The following IFT74 variants were observed in gnomAD, a reference collection of about 807,000 sequenced individuals.
IFT74 encodes the protein intraflagellar transport 74, also known as intraflagellar transport protein 74 homolog.
In IFT74, 92 loss-of-function variants were observed where a neutral mutation model predicts 96.7. The ratio of observed to expected loss-of-function variants is 0.95; its 90% CI spans 0.80 to 1.13. The LOEUF (loss-of-function observed/expected upper bound fraction) is 1.13, where lower values mean the gene tolerates loss of function less well. IFT74 is among the 50% of genes most tolerant of loss of function. The pLI is 0.00. For missense variants in IFT74, 811 were observed against 698.2 expected, an observed-to-expected ratio of 1.16 and a Z score of -1.82; for synonymous variants, 223 against 213.2, an observed-to-expected ratio of 1.05 and a Z score of -0.40.
rs377479807 is a variant in IFT74, at chr9:27,051,544, A to G, written c.1333+3270A>G. The stretch of plus-strand genomic sequence containing the variant: ...TCTCTAGAACTTTTTCATCTTGCAG[A>G]ACAAAAACACTTTACCTCCTGAATA... On this transcript the variant is annotated intron_variant, in intron 16 of 19. Transcript: ENST00000380062. Among the ~76,000 whole-genome samples, 9 of 152,302 alleles carry G rather than the reference A, an allele frequency of 5.9e-5. No homozygotes were observed. The East Asian group carries it at 1.3e-3, about 23-fold the overall frequency.
At chr9:26,971,143 A>G (rs570559035) in intron 2 of IFT74, among the ~76,000 whole-genome samples, 47 of 152,320 alleles carry the variant, frequency 3.1e-4, no homozygotes, top group African/African-American at 1.1e-3. Context: ...AGAAGGAGAT[A>G]GTCTCTACAC....
At chr9:26,997,730 A>C in intron 8 of IFT74, 2 of 1,589,526 alleles carry the variant, frequency 1.3e-6, no homozygotes, top group South Asian at 2.3e-5. Context: ...TAGCTTACCT[A>C]ATGTCACATT....
At chr9:27,036,373 G>A in intron 13 of IFT74, 1 of 1,534,336 alleles carries the variant, frequency 6.5e-7, no homozygotes, top group Non-Finnish European at 8.8e-7. Flanking sequence ...AAAACATTAA[G>A]CTTATATGTA....
chr9:27,029,127 A>T, intron 13 of IFT74, 23 bp downstream of exon 13: 1 of 1,553,400 alleles, frequency 6.4e-7, no homozygotes, highest in Non-Finnish European at 8.8e-7. Flanking sequence ...TATTTTTATA[A>T]TGTAGATTAA....
At chr9:26,972,716 G>A (rs926278078) in intron 2 of IFT74, among the ~76,000 whole-genome samples, 7 of 152,036 alleles carry the variant, frequency 4.6e-5, no homozygotes, top group Non-Finnish European at 5.9e-5. Flanking sequence ...TTTGGTTCTT[G>A]CTTAGTTTGA....
intron 2 of IFT74, among the ~76,000 whole-genome samples, chr9:26,973,398 G>A (rs1435539484): frequency 6.6e-6 from 1 of 152,140 alleles, no homozygotes; most frequent in Non-Finnish European, 1.5e-5. Flanking sequence ...TCCTGCCTTC[G>A]AAGGGAATGG....
rs201631629 is a variant in IFT74, at chr9:27,055,632, C to G, written c.1357C>G (p.Leu453Val). The change falls in exon 17 of 20, where the codon CTG becomes GTG. Residue 453 changes from leucine to valine, a missense_variant. By Grantham distance (32) the Leu-to-Val change is conservative. Coordinates refer to ENST00000380062, the MANE Select transcript of IFT74 (RefSeq NM_025103.4). ...TSDIQRLQLD[L>V]QKMELLESKM... ...AGACATTCAACGTCTGCAGTTGGATCTGCAGAAAATGGAGCTTCTAGAAAG... is the reference window on the plus strand; with the variant it reads ...AGACATTCAACGTCTGCAGTTGGATGTGCAGAAAATGGAGCTTCTAGAAAG... 6.3e-7 allele frequency: 1 copy of G among 1,579,858 alleles called. No homozygotes were observed. The highest frequency in any genetic ancestry group is 1.4e-5 in the African/African-American group (1 of 72,700).
chr9:27,053,207 G>C lies in IFT74; in HGVS notation c.1334-2402G>C, dbSNP rs190130864. ...TTTTTTAATGGAGCAATCACTTCTT[G>C]GGGGAAGGGTGAAGAAAACTTAGAT... On this transcript the variant is annotated intron_variant, in intron 16 of 19. Transcript: ENST00000380062. Among the ~76,000 whole-genome samples, 112 of 145,436 alleles carry C rather than the reference G, an allele frequency of 7.7e-4. 2 individuals are homozygous for C. Among genetic ancestry groups the C allele is most frequent in the Admixed American group, 5.7e-3 (82 of 14,412 alleles).
chr9:27,040,629 C>T lies in IFT74; in HGVS notation c.1055-4113C>T, dbSNP rs573014461. On this transcript the variant is annotated intron_variant, in intron 13 of 19. Coordinates refer to ENST00000380062, the MANE Select transcript of IFT74 (RefSeq NM_025103.4). ...AGTATTCCAAGTGCTAAGAAACAGT[C>T]TGGCTGTGCAAAAGTCCTGTGGAGT... 2.7e-5 allele frequency among the ~76,000 whole-genome samples: 4 copies of T among 150,406 alleles called. No homozygotes were observed. The South Asian group carries it at 8.5e-4, about 32-fold the overall frequency.
chr9:26,948,546 G>C (rs951206685), intron 1 of IFT74, among the ~76,000 whole-genome samples: 6 of 129,056 alleles, frequency 4.6e-5, no homozygotes, highest in African/African-American at 1.5e-4. Context: ...TCGGCTCACT[G>C]CAACCCTCGC....
At chr9:27,012,708 G>GTTTTTGTTTT (rs1563974337) in intron 10 of IFT74, among the ~76,000 whole-genome samples, 1 of 53,866 alleles carries the variant, frequency 1.9e-5, no homozygotes, top group African/African-American at 8.2e-5. Context: ...AAAAATGTCT[G>GTTTTTGTTTT]TTTTTTTTTT....
chr9:27,036,355 G>A (rs1272980465), intron 13 of IFT74: 14 of 1,446,208 alleles, frequency 9.7e-6, no homozygotes, highest in Non-Finnish European at 1.2e-5. Context: ...TAATGCCAAA[G>A]TTAGTTTAAA....
At chr9:27,041,456 AAT>A (rs1466296350) in intron 13 of IFT74, among the ~76,000 whole-genome samples, 1 of 152,200 alleles carries the variant, frequency 6.6e-6, no homozygotes, top group Non-Finnish European at 1.5e-5. Context: ...AGTATCTGAT[AAT>A]CAGTAAATTT....
intron 8 of IFT74, among the ~76,000 whole-genome samples, chr9:27,003,133 AT>A (rs1828587572): frequency 6.6e-6 from 1 of 151,772 alleles, no homozygotes; most frequent in African/African-American, 2.4e-5. Context: ...TTATATGATG[AT>A]TTTATATCTT....
intron 2 of IFT74, chr9:26,976,812 A>T (rs1409495902): frequency 2.2e-6 from 1 of 455,726 alleles, no homozygotes; most frequent in South Asian, 1.6e-5. Context: ...ACATAAAGGG[A>T]GTCTTTTGGC....
chr9:26,999,514 C>T, intron 8 of IFT74: 1 of 831,614 alleles, frequency 1.2e-6, no homozygotes, highest in Non-Finnish European at 1.8e-6. Context: ...TTTAGTAGGT[C>T]AGATTTTCTT....
intron 8 of IFT74, among the ~76,000 whole-genome samples, chr9:27,000,937 A>T (rs1828450594): frequency 6.6e-6 from 1 of 152,128 alleles, no homozygotes; most frequent in South Asian, 2.1e-4. Context: ...TGCATTAATA[A>T]ACTTTTCTGC....
chr9:27,028,797 A>G, intron 12 of IFT74: 1 of 299,778 alleles, frequency 3.3e-6, no homozygotes, highest in Non-Finnish European at 6.0e-6. Context: ...CTTCCTCTCT[A>G]AATTTATAGT....
At chr9:27,042,529 TG>T (rs1197101398) in intron 13 of IFT74, among the ~76,000 whole-genome samples, 3 of 152,194 alleles carry the variant, frequency 2.0e-5, no homozygotes, top group Non-Finnish European at 4.4e-5. Flanking sequence ...ATAATCTCAC[TG>T]AGAACAATTT....
Sources: allele counts gnomAD v4.1 joint callset (sites outside exome capture counted in the v4.1 genomes callset), GRCh38; gene constraint gnomAD v4.1.1; transcripts MANE v1.5; gene names NCBI Gene and HGNC (gene_info 2026-07-23, HGNC 2026-07-21).